Variants in ZNF782 observed in about 807,000 individuals in gnomAD.
The protein encoded by ZNF782 is zinc finger protein 782.
A neutral mutation model predicts 13.0 loss-of-function variants in ZNF782; 12 were observed. The ratio of observed to expected loss-of-function variants is 0.92; its 90% CI spans 0.59 to 1.50. ZNF782 has a LOEUF of 1.50. ZNF782 is among the 40% of genes most tolerant of loss of function. The probability of loss-of-function intolerance (pLI) is 0.00; values close to 1 mark genes in which losing one functional copy is unlikely to be tolerated. For missense variants in ZNF782, 770 were observed against 822.9 expected (o/e 0.94, Z 0.79); for synonymous variants, 284 against 283.0 (o/e 1.00, Z -0.04).
At chr9:96,830,274 C>T (rs1850753600) in intron 4 of ZNF782, among the ~76,000 whole-genome samples, 1 of 152,146 alleles carries the variant, frequency 6.6e-6, no homozygotes, top group African/African-American at 2.4e-5. Flanking sequence ...CTGTGCTCAC[C>T]AGGCTGTAAG....
At chr9:96,919,699 G>T in the ZNF782 span, among the ~76,000 whole-genome samples, 2 of 149,468 alleles carry the variant, frequency 1.3e-5, no homozygotes, top group Non-Finnish European at 3.0e-5. Context: ...GAGTCGCTGG[G>T]ATTAAAGGCG....
At chr9:96,881,727 T>C in the ZNF782 span, among the ~76,000 whole-genome samples, 3 of 152,132 alleles carry the variant, frequency 2.0e-5, no homozygotes, top group Non-Finnish European at 4.4e-5. Flanking sequence ...GTTCAGACCA[T>C]AAATGTTCAT....
intron 3 of ZNF782, among the ~76,000 whole-genome samples, chr9:96,845,450 G>C (rs927915508): frequency 6.6e-6 from 1 of 152,134 alleles, no homozygotes; most frequent in African/African-American, 2.4e-5. Flanking sequence ...GTAGAGATGG[G>C]GTTTCACCAT....
rs765387947 is a variant in ZNF782 at position 96,818,815 on chromosome 9, A to G, written c.1208T>C (p.Phe403Ser). Residue 403 changes from phenylalanine (F) to serine (S), a missense_variant, in exon 6 of 6, where the codon TTC becomes TCC. Transcript: ENST00000481138. ...TTTTCTTAGGCGTGACTTCTCACTGAAGGCTTTCCCGCACTCAGGACATTC... is the reference window on the plus strand; with the variant it reads ...TTTTCTTAGGCGTGACTTCTCACTGGAGGCTTTCCCGCACTCAGGACATTC... ...PYECPECGKAFSEKSRLRKHQ... is the reference protein window; with the variant it reads ...PYECPECGKASSEKSRLRKHQ... The G allele has an allele frequency of 1.9e-6, 3 of 1,613,986 alleles. No homozygotes were observed. The highest frequency in any genetic ancestry group is 2.2e-5 in the South Asian group (2 of 91,070).
chr9:96,921,904 G>A, the ZNF782 span, among the ~76,000 whole-genome samples: 1 of 150,928 alleles, frequency 6.6e-6, no homozygotes, highest in Non-Finnish European at 1.5e-5. Flanking sequence ...ATGTTGGCTA[G>A]GCTGGTCTCA....
chr9:96,879,126 GCT>G (rs780169515), upstream of ZNF782, among the ~76,000 whole-genome samples: 318 of 152,330 alleles, frequency 2.1e-3, 2 homozygotes, highest in Non-Finnish European at 3.5e-3. Context: ...CATTGTAGAT[GCT>G]GGCATAATAA....
rs758924483 is a variant in ZNF782 at position 96,818,092 on chromosome 9, T to C, written c.1931A>G (p.Lys644Arg). The change falls in exon 6 of 6, where the codon AAA becomes AGA. Residue 644 changes from lysine to arginine, a missense_variant. Coordinates refer to ENST00000481138, the MANE Select transcript of ZNF782 (RefSeq NM_001001662.3). ...CCCACACTGATTACAATTATATGGT[T>C]TCTCCCCGGTGTGAGTTCGCTGATG... is the stretch of plus-strand genomic sequence containing the variant. ...RKHQRTHTGE[K>R]PYNCNQCGEA... 6.2e-7 allele frequency: 1 copy of C among 1,613,964 alleles called. No homozygotes were observed. The highest frequency in any genetic ancestry group is 1.7e-5 in the Admixed American group (1 of 60,010).
chr9:96,844,442 T>A (rs1360495196), intron 4 of ZNF782, among the ~76,000 whole-genome samples: 4 of 152,196 alleles, frequency 2.6e-5, no homozygotes, highest in African/African-American at 9.7e-5. Flanking sequence ...CACATGTGCA[T>A]GAGTTTCAAA....
the ZNF782 span, among the ~76,000 whole-genome samples, chr9:96,885,223 T>C: frequency 1.3e-5 from 2 of 151,950 alleles, no homozygotes; most frequent in Non-Finnish European, 2.9e-5. Context: ...CGGGCAGCTA[T>C]CAAATGCTTC....
upstream of ZNF782, among the ~76,000 whole-genome samples, chr9:96,857,294 A>G (rs1369874743): frequency 6.6e-6 from 1 of 152,202 alleles, no homozygotes; most frequent in Non-Finnish European, 1.5e-5. Flanking sequence ...GATGACCATC[A>G]TTCTTGTGAC....
chr9:96,924,706 G>A, the ZNF782 span, among the ~76,000 whole-genome samples: 10 of 152,098 alleles, frequency 6.6e-5, no homozygotes, highest in South Asian at 2.1e-4. Context: ...TACGAGGACA[G>A]GAGCTACTTC....
the ZNF782 span, among the ~76,000 whole-genome samples, chr9:96,927,681 T>G: frequency 1.3e-5 from 2 of 152,198 alleles, no homozygotes; most frequent in African/African-American, 4.8e-5. Context: ...AGGACAGATT[T>G]TTTTTGTAAA....
intron 1 of ZNF782, among the ~76,000 whole-genome samples, chr9:96,867,296 T>A (rs997304566): frequency 3.9e-5 from 6 of 152,132 alleles, no homozygotes; most frequent in Admixed American, 6.5e-5. Flanking sequence ...TCTCATGAGA[T>A]CTGACAGTAT....
At position 96,850,890 on chromosome 9, in the gene ZNF782, C is replaced by A. The variant is rs1191457253; in HGVS notation, c.15+1057G>T. On this transcript the variant is annotated intron_variant, in intron 3 of 5. Transcript: ENST00000481138. The surrounding 1 kb of genome is among the most constrained non-coding windows in gnomAD (Gnocchi z 4.3). ...AATCTTTCCAGTTTTAGTAAACATA[C>A]AATATTATGAAAACTTTTGCATCTT... Among the ~76,000 whole-genome samples, 1 of 152,122 alleles carries A rather than the reference C, an allele frequency of 6.6e-6. No individual in the cohort carries two copies. Among genetic ancestry groups the A allele is most frequent in the Admixed American group, 6.5e-5 (1 of 15,292 alleles).
At chr9:96,859,524 G>A (rs1428514776) in intron 3 of ZNF782, among the ~76,000 whole-genome samples, 1 of 152,162 alleles carries the variant, frequency 6.6e-6, no homozygotes, top group Non-Finnish European at 1.5e-5. Flanking sequence ...GGGCTACAAG[G>A]GAACCTGCTT....
chr9:96,831,666 T>C (rs1448362207), intron 4 of ZNF782, among the ~76,000 whole-genome samples: 1 of 149,952 alleles, frequency 6.7e-6, no homozygotes, highest in Non-Finnish European at 1.5e-5. Flanking sequence ...TGAGCTGAGA[T>C]AGTGCCACTG....
chr9:96,880,388 A>G (rs1366258096), upstream of ZNF782, among the ~76,000 whole-genome samples: 1 of 152,230 alleles, frequency 6.6e-6, no homozygotes, highest in Non-Finnish European at 1.5e-5. Flanking sequence ...TTGAGACTTT[A>G]GCCATCAAGT....
Position 96,819,092 on chromosome 9 carries a change from T to TC in ZNF782, c.930dup (p.Lys311GlufsTer4). On this transcript the variant is annotated frameshift_variant, in exon 6 of 6. Transcript: ENST00000481138. LOFTEE classifies it low-confidence loss of function (END_TRUNC). Reference sequence around the variant, plus strand: ...AAACTTTTTCCATATTCAAAGGGTTTCACCCCTATATGAACTCTATGATGT... The same window carrying TC: ...AAACTTTTTCCATATTCAAAGGGTTTCCACCCCTATATGAACTCTATGATGT... The TC allele has an allele frequency of 6.2e-7, 1 of 1,614,128 alleles. No individual in the cohort carries two copies.
At chr9:96,892,366 G>A in the ZNF782 span, 1 of 152,200 alleles carries the variant, frequency 6.6e-6, no homozygotes, top group Non-Finnish European at 1.5e-5. Context: ...TCACGCTGCT[G>A]TGAACATTAG....
Sources: allele counts gnomAD v4.1 joint callset (sites outside exome capture counted in the v4.1 genomes callset), GRCh38; gene constraint gnomAD v4.1.1; non-coding constraint Gnocchi (gnomAD v3.1); transcripts MANE v1.5; gene names NCBI Gene and HGNC (gene_info 2026-07-23, HGNC 2026-07-21).